The following HOATZ variants were observed in gnomAD, a reference collection of about 807,000 sequenced individuals.
HOATZ encodes cilia- and flagella-associated protein HOATZ.
HOATZ carries 26 observed loss-of-function variants against 24.9 expected under a neutral mutation model. The observed-to-expected ratio is 1.04, with a 90% confidence interval of 0.76 to 1.45. HOATZ has a LOEUF of 1.45. HOATZ is among the 40% of genes most tolerant of loss of function. The probability of loss-of-function intolerance (pLI) is 0.00; values close to 1 mark genes in which losing one functional copy is unlikely to be tolerated. For missense variants in HOATZ, 226 were observed against 201.5 expected (o/e 1.12, Z -0.74); for synonymous variants, 83 against 76.6 (o/e 1.08, Z -0.43).
intron 4 of HOATZ, among the ~76,000 whole-genome samples, 176 bp from the exon 5 acceptor site, chr11:111,534,236 C>A (rs2135782791): frequency 6.6e-6 from 1 of 152,282 alleles, no homozygotes; most frequent in Non-Finnish European, 1.5e-5. Context: ...CCTGAATAAA[C>A]CCCAAACTCT....
intron 3 of HOATZ, among the ~76,000 whole-genome samples, chr11:111,528,567 T>C (rs1018712850): frequency 6.6e-6 from 1 of 152,222 alleles, no homozygotes; most frequent in Non-Finnish European, 1.5e-5. Context: ...AATTCAACTA[T>C]CTTTACCCTT....
At chr11:111,525,009 C>T in intron 3 of HOATZ, 1 of 367,334 alleles carries the variant, frequency 2.7e-6, no homozygotes, top group Non-Finnish European at 5.3e-6. Context: ...TCTGGGACTA[C>T]AGGTGCACAC....
chr11:111,528,520 G>A (rs574445138), intron 3 of HOATZ, among the ~76,000 whole-genome samples: 13 of 152,004 alleles, frequency 8.6e-5, no homozygotes, highest in South Asian at 6.3e-4. Context: ...TTTACACTAC[G>A]ATCTTAGAAA....
At chr11:111,525,881 G>A (rs761555390) in intron 3 of HOATZ, among the ~76,000 whole-genome samples, 4 of 152,208 alleles carry the variant, frequency 2.6e-5, no homozygotes, top group South Asian at 2.1e-4. Context: ...GGGCAAATGG[G>A]AAATGGGTCA....
chr11:111,515,061 G>T (rs1178817418), intron 1 of HOATZ, 51 bp downstream of exon 1: 1 of 1,361,626 alleles, frequency 7.3e-7, no homozygotes, highest in African/African-American at 1.4e-5. Flanking sequence ...ACCGTAACTG[G>T]CCTGCAGGTA....
chr11:111,536,905 G>A lies in HOATZ; in HGVS notation c.*78G>A, dbSNP rs773186136. ...AACCTTCTCTTAGATCAGGATCATT[G>A]AGATCACTGGCAACATTATAGTAGA... On this transcript the variant is annotated 3_prime_UTR_variant, in exon 6 of 6. Coordinates refer to ENST00000375618, the MANE Select transcript of HOATZ (RefSeq NM_001100388.2). 1.4e-5 allele frequency: 16 copies of A among 1,104,558 alleles called. No individual in the cohort carries two copies. The highest frequency in any genetic ancestry group is 1.9e-5 in the Non-Finnish European group (14 of 720,064). 68.4% of individuals were successfully genotyped at this position (1,104,558 alleles called of 1,614,324 possible). A position where few individuals can be genotyped will look rare whatever the true frequency, so the allele number is the denominator to read the frequency against.
Position 111,536,775 on chromosome 11 carries a change from T to C in HOATZ, c.458T>C (p.Val153Ala), listed in dbSNP as rs1867455163. ...ACTGATATTACTACCAACAGGAAAGTGGTATCAGAGTCAGATAAAGAGGAC... is the reference window on the plus strand; with the variant it reads ...ACTGATATTACTACCAACAGGAAAGCGGTATCAGAGTCAGATAAAGAGGAC... The part of the protein sequence containing the change: ...PKAKEHKAKK[V>A]VSESDKEDQE... Residue 153 changes from valine (V) to alanine (A), a missense_variant, in exon 6 of 6, where the codon GTG (valine) becomes GCG (alanine). Coordinates refer to ENST00000375618, the MANE Select transcript of HOATZ (RefSeq NM_001100388.2). 1 of 1,612,862 alleles carries C rather than the reference T, an allele frequency of 6.2e-7. No individual in the cohort carries two copies. Among genetic ancestry groups the C allele is most frequent in the Non-Finnish European group, 8.5e-7 (1 of 1,178,980 alleles).
chr11:111,529,097 T>C (rs1158714787), intron 3 of HOATZ, among the ~76,000 whole-genome samples: 1 of 152,242 alleles, frequency 6.6e-6, no homozygotes, highest in Non-Finnish European at 1.5e-5. Flanking sequence ...GCCTGATATC[T>C]AGCAGTTACT....
intron 2 of HOATZ, 152 bp downstream of exon 2, chr11:111,515,704 G>C (rs1867186905): frequency 1.5e-6 from 1 of 675,514 alleles, no homozygotes; most frequent in African/African-American, 1.8e-5. Context: ...TTTATCCAGA[G>C]GACAATGCCT....
At chr11:111,518,482 C>T (rs1025416941) in intron 3 of HOATZ, among the ~76,000 whole-genome samples, 1 of 152,196 alleles carries the variant, frequency 6.6e-6, no homozygotes, top group Non-Finnish European at 1.5e-5. Flanking sequence ...CATACATCAA[C>T]TCATATACTC....
In HOATZ at chr11:111,529,449, C is replaced by T. The variant is rs185297853; in HGVS notation, c.340-4297C>T. Reference sequence around the variant, plus strand: ...TGCAATCTCGGCTCACTGCAACCTCCGCCTCCTGGGTTCAAGCGATTCTCC... The same window carrying T: ...TGCAATCTCGGCTCACTGCAACCTCTGCCTCCTGGGTTCAAGCGATTCTCC... On this transcript the variant is annotated intron_variant, in intron 3 of 5. Coordinates refer to ENST00000375618, the MANE Select transcript of HOATZ (RefSeq NM_001100388.2). Among the ~76,000 whole-genome samples the T allele has an allele frequency of 4.8e-3, 737 of 152,140 alleles. 11 individuals are homozygous for T. Among genetic ancestry groups the T allele is most frequent in the African/African-American group, 0.017 (707 of 41,508 alleles).
At chr11:111,534,505 C>T (rs1274376995) in intron 5 of HOATZ, 41 bp downstream of exon 5, 1 of 1,452,394 alleles carries the variant, frequency 6.9e-7, no homozygotes, top group Non-Finnish European at 9.7e-7. Context: ...CACCTTTCAA[C>T]TTACTGTGTA....
In HOATZ at chr11:111,534,476, T is replaced by C. The variant is rs746418326; in HGVS notation, c.452+12T>C. ...GAACACAAAGCAAAGTAAGTTTACCTATGTCAAAAATATTCTCTCACCTTT... is the reference window on the plus strand; with the variant it reads ...GAACACAAAGCAAAGTAAGTTTACCCATGTCAAAAATATTCTCTCACCTTT... On this transcript the variant is annotated intron_variant, in intron 5 of 5. Transcript: ENST00000375618. The C allele has an allele frequency of 2.5e-6, 4 of 1,594,626 alleles. No individual in the cohort carries two copies. Among genetic ancestry groups the C allele is most frequent in the South Asian group, 1.1e-5 (1 of 90,566 alleles).
At chr11:111,521,487 G>A (rs1867268386) in intron 3 of HOATZ, among the ~76,000 whole-genome samples, 1 of 152,090 alleles carries the variant, frequency 6.6e-6, no homozygotes, top group Non-Finnish European at 1.5e-5. Flanking sequence ...TGGCTTCCGA[G>A]ACAAACCTAA....
intron 3 of HOATZ, among the ~76,000 whole-genome samples, chr11:111,519,353 A>G (rs1012848937): frequency 6.6e-6 from 1 of 152,172 alleles, no homozygotes; most frequent in Admixed American, 6.5e-5. Flanking sequence ...AGAGTAAATG[A>G]AGGCCCTATA....
chr11:111,531,173 T>G (rs1385103459), intron 3 of HOATZ, among the ~76,000 whole-genome samples: 1 of 152,218 alleles, frequency 6.6e-6, no homozygotes, highest in Non-Finnish European at 1.5e-5. Context: ...ATAATTTTGT[T>G]CATAGGGGAT....
intron 3 of HOATZ, among the ~76,000 whole-genome samples, chr11:111,529,652 C>T (rs1409237485): frequency 6.6e-6 from 1 of 152,112 alleles, no homozygotes; most frequent in South Asian, 2.1e-4. Context: ...TGAGCCACCG[C>T]ACCCGGCCCC....
rs142160801 is a variant in HOATZ, at chr11:111,530,881, C to T, written c.340-2865C>T. ...TGTTTAGATGACACAATTGTTTACACTAGTTTTGTTATTTATTTCCAGGAA... is the reference window on the plus strand; with the variant it reads ...TGTTTAGATGACACAATTGTTTACATTAGTTTTGTTATTTATTTCCAGGAA... On this transcript the variant is annotated intron_variant, in intron 3 of 5. Coordinates refer to ENST00000375618, the MANE Select transcript of HOATZ (RefSeq NM_001100388.2). Among the ~76,000 whole-genome samples, 728 of 152,188 alleles carry T rather than the reference C, an allele frequency of 4.8e-3. 10 individuals are homozygous for T. Among genetic ancestry groups the T allele is most frequent in the African/African-American group, 0.017 (700 of 41,540 alleles).
chr11:111,533,547 T>G (rs915070887), intron 3 of HOATZ, among the ~76,000 whole-genome samples, 199 bp from the exon 4 acceptor site: 15 of 152,236 alleles, frequency 9.9e-5, no homozygotes, highest in African/African-American at 3.6e-4. Flanking sequence ...TTTTAATATT[T>G]TACAAAAGCA....
Sources: allele counts gnomAD v4.1 joint callset (sites outside exome capture counted in the v4.1 genomes callset), GRCh38; gene constraint gnomAD v4.1.1; transcripts MANE v1.5; gene names NCBI Gene and HGNC (gene_info 2026-07-23, HGNC 2026-07-21).